Variants in NTF3 observed in about 807,000 individuals in gnomAD.
NTF3 encodes the protein neurotrophin-3.
NTF3 carries 8 observed loss-of-function variants against 26.3 expected under a neutral mutation model. That is an observed-to-expected ratio of 0.30 (90% CI 0.18 to 0.55). The LOEUF is 0.55. Among genes scored for constraint, NTF3 ranks in the 20% least tolerant of loss-of-function variants. The probability of loss-of-function intolerance (pLI) is 0.93; values close to 1 mark genes in which losing one functional copy is unlikely to be tolerated. For synonymous variants in NTF3, 154 were observed against 145.5 expected (o/e 1.06, Z -0.42); for missense variants, 276 against 352.9 (o/e 0.78, Z 1.75).
At chr12:5,442,939 G>T (rs1940257382) in intron 1 of NTF3, among the ~76,000 whole-genome samples, 1 of 152,038 alleles carries the variant, frequency 6.6e-6, no homozygotes, top group Non-Finnish European at 1.5e-5. Flanking sequence ...CAGAGAAGCA[G>T]ACTACAGGAT....
intron 1 of NTF3, among the ~76,000 whole-genome samples, chr12:5,483,510 A>T (rs1350289836): frequency 6.6e-6 from 1 of 152,210 alleles, no homozygotes; most frequent in Non-Finnish European, 1.5e-5. Context: ...ACATTACAAG[A>T]TGACGGCTCA....
intron 1 of NTF3, among the ~76,000 whole-genome samples, chr12:5,438,453 C>A (rs936876629): frequency 6.6e-6 from 1 of 152,128 alleles, no homozygotes; most frequent in Non-Finnish European, 1.5e-5. Flanking sequence ...TATGACTGAC[C>A]GTGATGTCAT....
At chr12:5,482,192 C>G (rs1246415309) in intron 1 of NTF3, among the ~76,000 whole-genome samples, 1 of 152,198 alleles carries the variant, frequency 6.6e-6, no homozygotes, top group South Asian at 2.1e-4. Flanking sequence ...ACACACACTG[C>G]CTGACTTGTT....
intron 1 of NTF3, among the ~76,000 whole-genome samples, chr12:5,465,944 C>G (rs185476683): frequency 2.3e-4 from 35 of 152,324 alleles, no homozygotes; most frequent in Admixed American, 2.1e-3. Flanking sequence ...AGCTCCCCAT[C>G]GAGCCTCAGA....
At chr12:5,463,260 C>G (rs1003471165) in intron 1 of NTF3, among the ~76,000 whole-genome samples, 3 of 152,180 alleles carry the variant, frequency 2.0e-5, no homozygotes, top group Non-Finnish European at 2.9e-5. Flanking sequence ...AAATGCCTTT[C>G]TCAAATTATA....
At chr12:5,463,804 G>A (rs1940553156) in intron 1 of NTF3, among the ~76,000 whole-genome samples, 1 of 152,136 alleles carries the variant, frequency 6.6e-6, no homozygotes. Context: ...ACACTACTGG[G>A]TTACCAACTT....
upstream of NTF3, chr12:5,432,087 C>A (rs1302789176): frequency 1.7e-5 from 10 of 574,156 alleles, no homozygotes; most frequent in Non-Finnish European, 2.9e-5. Context: ...TGGTTATAAC[C>A]GCGCAGATTC....
chr12:5,468,656 C>A (rs887234951), intron 1 of NTF3, among the ~76,000 whole-genome samples: 10 of 152,178 alleles, frequency 6.6e-5, no homozygotes, highest in Non-Finnish European at 1.2e-4. Context: ...TTAATGGTAG[C>A]CTCTCAGGAC....
chr12:5,483,751 C>A (rs893471460), intron 1 of NTF3, among the ~76,000 whole-genome samples: 1 of 152,188 alleles, frequency 6.6e-6, no homozygotes, highest in African/African-American at 2.4e-5. Context: ...TTTCAAACAT[C>A]ATGGAGAACA....
chr12:5,490,635 C>G (rs1391182998), intron 1 of NTF3, among the ~76,000 whole-genome samples: 1 of 152,224 alleles, frequency 6.6e-6, no homozygotes, highest in African/African-American at 2.4e-5. Flanking sequence ...AAAAAGTGAC[C>G]AGAGATCAGA....
intron 1 of NTF3, among the ~76,000 whole-genome samples, chr12:5,479,705 T>C (rs1308840876): frequency 1.3e-5 from 2 of 152,160 alleles, no homozygotes; most frequent in Non-Finnish European, 2.9e-5. Flanking sequence ...ACTCCATCTC[T>C]CCCCAAAAAG....
intron 1 of NTF3, among the ~76,000 whole-genome samples, chr12:5,461,070 G>A (rs188424726): frequency 2.6e-5 from 4 of 152,266 alleles, no homozygotes; most frequent in Admixed American, 1.3e-4. Flanking sequence ...AGTGGGATTG[G>A]GGGGGAAGGT....
intron 1 of NTF3, among the ~76,000 whole-genome samples, chr12:5,490,276 G>T (rs534548658): frequency 6.6e-6 from 1 of 152,196 alleles, no homozygotes; most frequent in Non-Finnish European, 1.5e-5. Flanking sequence ...GGTCTCGATC[G>T]TAGCAGGCGC....
intron 1 of NTF3, among the ~76,000 whole-genome samples, chr12:5,445,288 A>ATGTGTG (rs200578458): frequency 0.024 from 2,390 of 101,498 alleles, 55 homozygotes; most frequent in South Asian, 0.035. Flanking sequence ...GGATTAAATG[A>ATGTGTG]TGTGTGTGTG....
intron 1 of NTF3, among the ~76,000 whole-genome samples, chr12:5,476,741 G>T (rs1157605430): frequency 6.6e-6 from 1 of 152,130 alleles, no homozygotes; most frequent in African/African-American, 2.4e-5. Context: ...GTAAATTATG[G>T]CAAATTAACG....
chr12:5,477,534 G>T (rs1940739454), intron 1 of NTF3, among the ~76,000 whole-genome samples: 1 of 152,168 alleles, frequency 6.6e-6, no homozygotes, highest in Non-Finnish European at 1.5e-5. Flanking sequence ...AATACGCAGG[G>T]TTCAGGTAAG....
chr12:5,432,103 A>G (rs1227437023), upstream of NTF3: 2 of 619,112 alleles, frequency 3.2e-6, no homozygotes, highest in Non-Finnish European at 5.9e-6. Flanking sequence ...GATTCTGTTC[A>G]CGGGACTCAG....
chr12:5,457,119 G>GA, intron 1 of NTF3, among the ~76,000 whole-genome samples: 1 of 152,352 alleles, frequency 6.6e-6, no homozygotes, highest in South Asian at 2.1e-4. Flanking sequence ...TTGCATTCCA[G>GA]AAAGAGCAGC....
chr12:5,469,915 T>C (rs1329132051), intron 1 of NTF3, among the ~76,000 whole-genome samples: 2 of 152,108 alleles, frequency 1.3e-5, no homozygotes, highest in Admixed American at 1.3e-4. Flanking sequence ...TGTTTGTTTG[T>C]ATTTTGTTTT....
Sources: allele counts gnomAD v4.1 joint callset (sites outside exome capture counted in the v4.1 genomes callset), GRCh38; gene constraint gnomAD v4.1.1; transcripts MANE v1.5; gene names NCBI Gene and HGNC (gene_info 2026-07-23, HGNC 2026-07-21).